The following SART3 variants were observed in gnomAD, a reference collection of about 807,000 sequenced individuals.
SART3 encodes the protein HIV-1 Tat-interacting protein of 110kDa.
A neutral mutation model predicts 122.3 loss-of-function variants in SART3; 44 were observed. The ratio of observed to expected loss-of-function variants is 0.36; its 90% confidence interval spans 0.28 to 0.46. The LOEUF is 0.46. Among genes scored for constraint, SART3 ranks in the 20% least tolerant of loss-of-function variants. SART3 has a pLI of 1.00. For missense variants in SART3, 1,101 were observed against 1,229.0 expected, an observed-to-expected ratio of 0.90 and a Z score of 1.56; for synonymous variants, 442 against 454.0, an observed-to-expected ratio of 0.97 and a Z score of 0.34.
At chr12:108,539,731 AAAAG>A (rs1357186450) in intron 6 of SART3, among the ~76,000 whole-genome samples, 1 of 152,242 alleles carries the variant, frequency 6.6e-6, no homozygotes, top group Admixed American at 6.5e-5. Context: ...TTACACATGA[AAAAG>A]AAAGGATGAA....
Position 108,536,847 on chromosome 12 carries a change from T to C in SART3, c.1310-62A>G, listed in dbSNP as rs1052448004. The C allele has an allele frequency of 2.9e-5, 43 of 1,488,092 alleles. No homozygotes were observed. The African/African-American group carries it at 4.3e-4, about 15-fold the overall frequency. 92.2% of individuals were successfully genotyped at this position (1,488,092 alleles called of 1,614,324 possible). A position where few individuals can be genotyped will look rare whatever the true frequency, so the allele number is the denominator to read the frequency against. ...CATAGCCTGGCTTTGTTTTATTTTT[T>C]ATCCTATGCTGAAACTGCCTGGAGA... On this transcript the variant is annotated intron_variant, in intron 9 of 18. Transcript: ENST00000546815.
At chr12:108,543,432 C>T (rs527726907) in intron 5 of SART3, among the ~76,000 whole-genome samples, 1 of 152,332 alleles carries the variant, frequency 6.6e-6, no homozygotes, top group East Asian at 1.9e-4. Flanking sequence ...TCTACCACTT[C>T]ACATCCACTA....
At chr12:108,524,236 C>A (rs967530727) in intron 18 of SART3, 80 bp downstream of exon 18, 2 of 1,199,990 alleles carry the variant, frequency 1.7e-6, no homozygotes, top group Non-Finnish European at 2.5e-6. Flanking sequence ...GCTAATTCAT[C>A]CCGGGTTAAT....
intron 6 of SART3, 93 bp from the exon 7 acceptor site, chr12:108,539,182 T>A: frequency 1.2e-5 from 16 of 1,312,848 alleles, no homozygotes; most frequent in Non-Finnish European, 1.6e-5. Context: ...CTGGCTACAG[T>A]AACTATGAAT....
intron 15 of SART3, among the ~76,000 whole-genome samples, chr12:108,527,560 G>C (rs888119882): frequency 6.6e-6 from 1 of 152,174 alleles, no homozygotes; most frequent in Non-Finnish European, 1.5e-5. Context: ...CACCACTGCG[G>C]TCACACATCA....
intron 1 of SART3, chr12:108,560,117 T>A (rs944910001): frequency 6.6e-6 from 1 of 152,240 alleles, no homozygotes; most frequent in Non-Finnish European, 1.5e-5. Context: ...GTGCCACCTA[T>A]TTCCTGCTGA....
intron 13 of SART3, 134 bp from the exon 14 acceptor site, chr12:108,531,414 G>C: frequency 2.8e-6 from 2 of 706,526 alleles, no homozygotes; most frequent in Admixed American, 2.2e-5. Flanking sequence ...AATCCCTGTA[G>C]GCTTGAAGTT....
chr12:108,529,946 TA>T (rs907979328), intron 15 of SART3, among the ~76,000 whole-genome samples, 195 bp downstream of exon 15: 50 of 152,336 alleles, frequency 3.3e-4, no homozygotes, highest in African/African-American at 1.2e-3. Context: ...AGCTCATTGC[TA>T]ACCCCGGCTC....
intron 1 of SART3, among the ~76,000 whole-genome samples, chr12:108,558,612 G>A (rs72643412): frequency 0.046 from 7,059 of 152,240 alleles, 193 homozygotes; most frequent in South Asian, 0.075. Flanking sequence ...TAGGCTCATC[G>A]AAAGGCCCAG....
chr12:108,543,301 G>A, intron 5 of SART3, 149 bp from the exon 6 acceptor site: 1 of 900,316 alleles, frequency 1.1e-6, no homozygotes, highest in East Asian at 2.5e-5. Context: ...TTTCTGCTGA[G>A]CCCAAACCTG....
At chr12:108,530,579 G>A (rs747276226) in intron 14 of SART3, among the ~76,000 whole-genome samples, 8 of 152,112 alleles carry the variant, frequency 5.3e-5, no homozygotes, top group Non-Finnish European at 7.4e-5. Context: ...AAAACTGGCC[G>A]GGCGCGGTGG....
intron 16 of SART3, 154 bp downstream of exon 16, chr12:108,525,945 A>G: frequency 1.5e-6 from 1 of 687,226 alleles, no homozygotes; most frequent in Non-Finnish European, 2.5e-6. Flanking sequence ...GACCTCAGTC[A>G]ACCGGCTCAG....
At chr12:108,530,356 T>C (rs1872620409) in intron 14 of SART3, 46 bp from the exon 15 acceptor site, 7 of 1,597,088 alleles carry the variant, frequency 4.4e-6, no homozygotes, top group African/African-American at 2.7e-5. Flanking sequence ...GGCAATTACA[T>C]TCACTGTACT....
intron 17 of SART3, among the ~76,000 whole-genome samples, chr12:108,525,200 C>T (rs1872315613): frequency 1.3e-5 from 2 of 152,268 alleles, no homozygotes; most frequent in Non-Finnish European, 2.9e-5. Context: ...AGCCCCACAG[C>T]CAGGGGCCAT....
In SART3 at chr12:108,530,338, C is replaced by T. The variant is rs780242313; in HGVS notation, c.1747-28G>A. 4.3e-6 allele frequency: 7 copies of T among 1,612,038 alleles called. No individual in the cohort carries two copies. The South Asian group carries it at 7.7e-5, about 18-fold the overall frequency. ...AGAAAAGTGGGAAGATGATGCATCG[C>T]TGGATGTGGCAATTACATTCACTGT... On this transcript the variant is annotated intron_variant, in intron 14 of 18. Transcript: ENST00000546815.
intron 7 of SART3, among the ~76,000 whole-genome samples, chr12:108,538,591 G>A (rs769908010): frequency 4.6e-5 from 7 of 152,184 alleles, no homozygotes; most frequent in Non-Finnish European, 1.0e-4. Flanking sequence ...AGCTATAAAT[G>A]TTACTAATTG....
At chr12:108,556,376 G>A (rs755685943) in intron 1 of SART3, among the ~76,000 whole-genome samples, 8 of 152,164 alleles carry the variant, frequency 5.3e-5, no homozygotes, top group Non-Finnish European at 1.2e-4. Flanking sequence ...AGGACTACAG[G>A]TGTGAGCCAC....
chr12:108,537,109 A>C (rs796997210), intron 9 of SART3: 9 of 445,838 alleles, frequency 2.0e-5, no homozygotes, highest in African/African-American at 1.8e-4. Context: ...GTGTGCAAGT[A>C]CAAGTTAGGG....
chr12:108,523,407 T>C lies in SART3; in HGVS notation c.*50A>G. On this transcript the variant is annotated 3_prime_UTR_variant, in exon 19 of 19. Transcript: ENST00000546815. ...CAGTGCACTGCTGGGTGGTGGGAGGTCCGCCGGGCCAGAGTGAAGTAAGGC... is the reference window on the plus strand; with the variant it reads ...CAGTGCACTGCTGGGTGGTGGGAGGCCCGCCGGGCCAGAGTGAAGTAAGGC... 1 of 1,597,840 alleles carries C rather than the reference T, an allele frequency of 6.3e-7. No homozygotes were observed. The highest frequency in any genetic ancestry group is 8.6e-7 in the Non-Finnish European group (1 of 1,167,338).
Sources: gnomAD v4.1 joint callset for allele counts (sites outside exome capture counted in the v4.1 genomes callset) on GRCh38, gnomAD v4.1.1 for gene constraint, MANE v1.5 for transcripts, NCBI Gene and HGNC (gene_info 2026-07-23, HGNC 2026-07-21) for gene names.